The following SNTG1 variants were observed in gnomAD, a reference collection of about 807,000 sequenced individuals.
SNTG1 encodes the protein gamma-1-syntrophin.
In SNTG1, 39 loss-of-function variants were observed where a neutral mutation model predicts 74.7. The observed-to-expected ratio is 0.52, with a 90% CI of 0.40 to 0.68. The LOEUF (loss-of-function observed/expected upper bound fraction) is 0.68. Ranked by LOEUF, SNTG1 falls within the 30% of genes least tolerant of loss-of-function variation. The pLI, the probability that SNTG1 is intolerant of heterozygous loss-of-function variation, is 0.00. For synonymous variants in SNTG1, 254 were observed against 217.1 expected, an observed-to-expected ratio of 1.17 and a Z score of -1.49; for missense variants, 685 against 609.5, an observed-to-expected ratio of 1.12 and a Z score of -1.30.
chr8:50,160,598 G>C (rs575376186), intron 1 of SNTG1, among the ~76,000 whole-genome samples: 3 of 151,586 alleles, frequency 2.0e-5, no homozygotes, highest in African/African-American at 2.4e-5. Flanking sequence ...AAATAACATA[G>C]TGTATTAGTA....
chr8:50,529,601 G>A (rs2094249776), intron 9 of SNTG1, among the ~76,000 whole-genome samples: 1 of 151,738 alleles, frequency 6.6e-6, no homozygotes, highest in South Asian at 2.1e-4. Flanking sequence ...AATCTTTAAG[G>A]CATTACTCAT....
chr8:50,209,444 G>A (rs1051907935), intron 2 of SNTG1, among the ~76,000 whole-genome samples: 15 of 152,172 alleles, frequency 9.9e-5, no homozygotes, highest in African/African-American at 3.6e-4. Context: ...CCTGACCTCT[G>A]AGTAGCCTAA....
chr8:50,172,515 T>A (rs960555436), intron 1 of SNTG1, 46 bp from the exon 2 acceptor site: 1 of 151,818 alleles, frequency 6.6e-6, no homozygotes, highest in Non-Finnish European at 1.5e-5. Flanking sequence ...ATCACTTCTA[T>A]TTTTGAATGC....
At chr8:50,599,954 A>G (rs1434731341) in intron 13 of SNTG1, among the ~76,000 whole-genome samples, 4 of 152,132 alleles carry the variant, frequency 2.6e-5, no homozygotes, top group Non-Finnish European at 5.9e-5. Context: ...TCTGTAATAC[A>G]TGGATTTTAT....
chr8:50,659,103 A>C (rs2095202756), intron 15 of SNTG1, among the ~76,000 whole-genome samples: 1 of 152,176 alleles, frequency 6.6e-6, no homozygotes, highest in Non-Finnish European at 1.5e-5. Flanking sequence ...AATGCAAAGA[A>C]AAGTTTTGCT....
chr8:50,657,449 A>G (rs2095190306), intron 14 of SNTG1, among the ~76,000 whole-genome samples: 1 of 152,200 alleles, frequency 6.6e-6, no homozygotes, highest in African/African-American at 2.4e-5. Flanking sequence ...CATGTTTACT[A>G]AACTCTTATT....
chr8:50,614,812 T>A (rs1221401835), intron 13 of SNTG1, among the ~76,000 whole-genome samples: 1 of 152,148 alleles, frequency 6.6e-6, no homozygotes, highest in East Asian at 1.9e-4. Flanking sequence ...AGCAAAACCA[T>A]GAATGCATTA....
intron 1 of SNTG1, among the ~76,000 whole-genome samples, chr8:50,165,905 A>T (rs988744922): frequency 6.6e-6 from 1 of 151,442 alleles, no homozygotes; most frequent in Non-Finnish European, 1.5e-5. Context: ...ACAGCATGGT[A>T]CTGGTACCAA....
At chr8:50,716,551 C>T (rs571479834) in intron 17 of SNTG1, among the ~76,000 whole-genome samples, 1 of 152,156 alleles carries the variant, frequency 6.6e-6, no homozygotes, top group African/African-American at 2.4e-5. Context: ...CGAACTCAGA[C>T]ATTTAGGGAA....
At chr8:50,592,784 C>G (rs2094700719) in intron 13 of SNTG1, among the ~76,000 whole-genome samples, 1 of 152,020 alleles carries the variant, frequency 6.6e-6, no homozygotes, top group Non-Finnish European at 1.5e-5. Flanking sequence ...CTTGGCAGCT[C>G]ACAGTTTTGA....
intron 2 of SNTG1, among the ~76,000 whole-genome samples, chr8:50,244,053 G>T (rs2086282572): frequency 6.6e-6 from 1 of 152,118 alleles, no homozygotes; most frequent in Admixed American, 6.6e-5. Flanking sequence ...TGAGCATGTT[G>T]CTGGCATCTG....
At chr8:50,709,978 C>T (rs560597669) in intron 17 of SNTG1, among the ~76,000 whole-genome samples, 12 of 152,136 alleles carry the variant, frequency 7.9e-5, no homozygotes, top group Middle Eastern at 3.4e-3. Context: ...AACAGTGATA[C>T]GAATGTGTAA....
chr8:50,362,729 A>T (rs1405521920), intron 2 of SNTG1, among the ~76,000 whole-genome samples: 1 of 152,172 alleles, frequency 6.6e-6, no homozygotes, highest in Non-Finnish European at 1.5e-5. Flanking sequence ...TCTTATGTAT[A>T]GCAGGTGATA....
At chr8:50,537,159 C>T (rs2094314259) in intron 11 of SNTG1, among the ~76,000 whole-genome samples, 1 of 152,148 alleles carries the variant, frequency 6.6e-6, no homozygotes, top group Non-Finnish European at 1.5e-5. Flanking sequence ...AGGTCTAGCT[C>T]TGTTGCCCTA....
intron 2 of SNTG1, among the ~76,000 whole-genome samples, chr8:50,328,602 A>G (rs2090844680): frequency 6.6e-6 from 1 of 152,142 alleles, no homozygotes; most frequent in Non-Finnish European, 1.5e-5. Flanking sequence ...TTCACTCACT[A>G]TCATGAGAAC....
chr8:50,003,377 C>T (rs1814924354), intron 1 of SNTG1, among the ~76,000 whole-genome samples: 1 of 151,838 alleles, frequency 6.6e-6, no homozygotes, highest in South Asian at 2.1e-4. Flanking sequence ...GCTTTTTTTG[C>T]CAAACAATTA....
intron 1 of SNTG1, among the ~76,000 whole-genome samples, chr8:50,096,291 C>A (rs1306559766): frequency 2.0e-5 from 3 of 152,068 alleles, no homozygotes; most frequent in Non-Finnish European, 4.4e-5. Flanking sequence ...TGGAAGAGTT[C>A]AGCACTTTTT....
intron 13 of SNTG1, among the ~76,000 whole-genome samples, chr8:50,621,960 C>T (rs542883352): frequency 1.3e-5 from 2 of 152,180 alleles, no homozygotes; most frequent in African/African-American, 2.4e-5. Flanking sequence ...AGCCTTGCTC[C>T]TATATGGGCT....
intron 1 of SNTG1, among the ~76,000 whole-genome samples, chr8:49,937,168 A>C (rs930818183): frequency 1.3e-5 from 2 of 151,746 alleles, no homozygotes; most frequent in Non-Finnish European, 3.0e-5. Context: ...AAACAAACAA[A>C]TAAACAAACC....
Sources: allele counts gnomAD v4.1 joint callset (sites outside exome capture counted in the v4.1 genomes callset), GRCh38; gene constraint gnomAD v4.1.1; transcripts MANE v1.5; gene names NCBI Gene and HGNC (gene_info 2026-07-23, HGNC 2026-07-21).